SLIT3: variants seen among roughly 807,000 people sequenced by gnomAD.
The protein encoded by SLIT3 is slit guidance ligand 3, also known as slit homolog 3 protein.
In SLIT3, 68 loss-of-function variants were observed where a neutral mutation model predicts 184.0. The observed-to-expected ratio is 0.37, with a 90% CI of 0.30 to 0.45. The LOEUF (loss-of-function observed/expected upper bound fraction) is 0.45. Ranked by LOEUF, SLIT3 falls within the 20% of genes least tolerant of loss-of-function variation. SLIT3 has a pLI of 1.00. For synonymous variants in SLIT3, 831 were observed against 828.6 expected, an observed-to-expected ratio of 1.00 and a Z score of -0.05; for missense variants, 1,707 against 2,026.0, an observed-to-expected ratio of 0.84 and a Z score of 3.02.
At chr5:169,224,595 T>C (rs375879500) in intron 3 of SLIT3, among the ~76,000 whole-genome samples, 10 of 152,294 alleles carry the variant, frequency 6.6e-5, no homozygotes, top group African/African-American at 2.4e-4. Flanking sequence ...TTTGAACTCC[T>C]GAGCTCAAGT....
chr5:169,201,309 GT>G (rs569509604), intron 3 of SLIT3, among the ~76,000 whole-genome samples: 4 of 152,084 alleles, frequency 2.6e-5, no homozygotes, highest in Admixed American at 1.3e-4. Flanking sequence ...TCCCTAAGCA[GT>G]TTTTTTTACC....
intron 4 of SLIT3, among the ~76,000 whole-genome samples, chr5:168,978,275 G>C (rs1388011071): frequency 6.6e-6 from 1 of 152,216 alleles, no homozygotes; most frequent in African/African-American, 2.4e-5. Context: ...CTCATTTCTA[G>C]TGCTATTACA....
chr5:168,768,873 T>C (rs1269111632), intron 14 of SLIT3, among the ~76,000 whole-genome samples: 2 of 152,010 alleles, frequency 1.3e-5, no homozygotes, highest in Non-Finnish European at 2.9e-5. Context: ...TCATTTGAGG[T>C]TTAATAGAGG....
At chr5:168,723,864 A>T (rs548013819) in intron 21 of SLIT3, among the ~76,000 whole-genome samples, 1 of 152,252 alleles carries the variant, frequency 6.6e-6, no homozygotes, top group African/African-American at 2.4e-5. Context: ...CTTGAAAAAA[A>T]TCTGCTCAGG....
At chr5:169,063,150 T>G (rs1477684596) in intron 4 of SLIT3, among the ~76,000 whole-genome samples, 1 of 152,180 alleles carries the variant, frequency 6.6e-6, no homozygotes, top group Non-Finnish European at 1.5e-5. Context: ...TAATCATAAG[T>G]GCCAATTGAG....
intron 14 of SLIT3, 105 bp from the exon 15 acceptor site, chr5:168,762,794 G>T: frequency 9.1e-7 from 1 of 1,101,964 alleles, no homozygotes; most frequent in Non-Finnish European, 1.3e-6. Flanking sequence ...ATGAGTTGGG[G>T]GCTGTTAGGG....
chr5:168,925,049 G>A (rs143237147), intron 4 of SLIT3, among the ~76,000 whole-genome samples: 5 of 152,300 alleles, frequency 3.3e-5, no homozygotes, highest in Admixed American at 2.0e-4. Context: ...TGCTAGGAGT[G>A]TTAGCTTGTT....
chr5:169,011,263 C>T (rs763171251), intron 4 of SLIT3, among the ~76,000 whole-genome samples: 2 of 152,090 alleles, frequency 1.3e-5, no homozygotes, highest in African/African-American at 4.8e-5. Context: ...GAGTTTTTGG[C>T]GTGTCCGACT....
intron 33 of SLIT3, among the ~76,000 whole-genome samples, chr5:168,672,383 G>A (rs1176980878): frequency 1.3e-5 from 2 of 152,182 alleles, no homozygotes; most frequent in Non-Finnish European, 2.9e-5. Context: ...GAGCAGTTTT[G>A]GTAGCTTTTT....
intron 4 of SLIT3, among the ~76,000 whole-genome samples, chr5:168,920,655 G>A (rs574704185): frequency 6.6e-6 from 1 of 152,308 alleles, no homozygotes; most frequent in Non-Finnish European, 1.5e-5. Flanking sequence ...CAGAACTGCT[G>A]CTTCTCTCTG....
chr5:168,946,797 G>C (rs1744751491), intron 4 of SLIT3, among the ~76,000 whole-genome samples: 1 of 152,094 alleles, frequency 6.6e-6, no homozygotes, highest in Non-Finnish European at 1.5e-5. Flanking sequence ...GTTACTCCAG[G>C]GTTTAGAAAG....
At chr5:169,189,901 C>A (rs1581035948) in intron 4 of SLIT3, among the ~76,000 whole-genome samples, 1 of 152,080 alleles carries the variant, frequency 6.6e-6, no homozygotes, top group African/African-American at 2.4e-5. Flanking sequence ...TGTTTACTAG[C>A]GCTATTATCT....
intron 4 of SLIT3, among the ~76,000 whole-genome samples, chr5:169,007,060 G>A (rs932339592): frequency 2.0e-5 from 3 of 152,070 alleles, no homozygotes; most frequent in African/African-American, 4.8e-5. Context: ...TCATGGGGGC[G>A]GTTTACCCCA....
chr5:168,832,784 T>G (rs1334561591), intron 6 of SLIT3, among the ~76,000 whole-genome samples: 4 of 152,036 alleles, frequency 2.6e-5, no homozygotes, highest in African/African-American at 9.7e-5. Context: ...TCATATGAGG[T>G]CTCCTGGTTT....
chr5:169,235,222 C>A (rs1224420466), intron 3 of SLIT3, among the ~76,000 whole-genome samples: 1 of 152,112 alleles, frequency 6.6e-6, no homozygotes, highest in African/African-American at 2.4e-5. Flanking sequence ...ATATTAATTT[C>A]TTGTTGACTT....
chr5:168,776,940 C>T (rs1364675924), intron 12 of SLIT3, among the ~76,000 whole-genome samples: 2 of 152,118 alleles, frequency 1.3e-5, no homozygotes, highest in Non-Finnish European at 2.9e-5. Flanking sequence ...ATTCAGTACA[C>T]AACAGGTCAG....
chr5:168,949,042 C>T (rs974200873), intron 4 of SLIT3, among the ~76,000 whole-genome samples: 2 of 152,202 alleles, frequency 1.3e-5, no homozygotes, highest in Admixed American at 6.5e-5. Context: ...CCCACCCCAC[C>T]TCTCCAGGAT....
chr5:169,231,101 C>A (rs530043462), intron 3 of SLIT3, among the ~76,000 whole-genome samples: 2 of 152,286 alleles, frequency 1.3e-5, no homozygotes, highest in South Asian at 4.1e-4. Flanking sequence ...ACCACTGTCT[C>A]TGTGGAGTTT....
At chr5:168,881,736 G>C (rs548001094) in intron 5 of SLIT3, among the ~76,000 whole-genome samples, 1 of 152,342 alleles carries the variant, frequency 6.6e-6, no homozygotes, top group African/African-American at 2.4e-5. Context: ...TTCAGGATGA[G>C]AGATCTCTCA....
Sources: allele counts gnomAD v4.1 joint callset (sites outside exome capture counted in the v4.1 genomes callset), GRCh38; gene constraint gnomAD v4.1.1; transcripts MANE v1.5; gene names NCBI Gene and HGNC (gene_info 2026-07-23, HGNC 2026-07-21).